The following DENND1A variants were observed in gnomAD, a reference collection of about 807,000 sequenced individuals.
DENND1A encodes the protein DENN domain containing 1A.
In DENND1A, 51 loss-of-function variants were observed where a neutral mutation model predicts 113.7. The ratio of observed to expected loss-of-function variants is 0.45; its 90% CI spans 0.36 to 0.57. The LOEUF (loss-of-function observed/expected upper bound fraction) is 0.57, where lower values mean the gene tolerates loss of function less well. Ranked by LOEUF, DENND1A falls within the 20% of genes least tolerant of loss-of-function variation. The pLI is 0.00. For synonymous variants in DENND1A, 565 were observed against 570.8 expected (o/e 0.99, Z 0.14); for missense variants, 1,258 against 1,395.9 (o/e 0.90, Z 1.57).
intron 12 of DENND1A, among the ~76,000 whole-genome samples, chr9:123,574,188 T>C (rs547158318): frequency 6.7e-6 from 1 of 150,122 alleles, no homozygotes; most frequent in African/African-American, 2.4e-5. Flanking sequence ...TTTTTTTTTT[T>C]TTTGTTTGTA....
At chr9:123,572,617 A>C (rs530056811) in intron 12 of DENND1A, among the ~76,000 whole-genome samples, 1 of 152,276 alleles carries the variant, frequency 6.6e-6, no homozygotes, top group African/African-American at 2.4e-5. Flanking sequence ...GTGTTTCTTC[A>C]AATATTTTAC....
At chr9:123,887,383 C>T (rs1849247818) in intron 1 of DENND1A, among the ~76,000 whole-genome samples, 2 of 152,004 alleles carry the variant, frequency 1.3e-5, no homozygotes, top group African/African-American at 4.8e-5. Flanking sequence ...CACAATCCAA[C>T]TGATGAGGAA....
chr9:123,447,168 G>A (rs186455811), intron 18 of DENND1A, among the ~76,000 whole-genome samples: 149 of 152,340 alleles, frequency 9.8e-4, no homozygotes, highest in Admixed American at 2.5e-3. Context: ...AGAAAGCAAT[G>A]GCTGGGTAGC....
intron 10 of DENND1A, among the ~76,000 whole-genome samples, chr9:123,614,607 A>T (rs1241043864): frequency 6.6e-6 from 1 of 151,852 alleles, no homozygotes; most frequent in Non-Finnish European, 1.5e-5. Flanking sequence ...AAAAAAAAAT[A>T]CAGCTTCCCA....
chr9:123,446,741 TG>T (rs1403018575), intron 18 of DENND1A, among the ~76,000 whole-genome samples: 1 of 152,014 alleles, frequency 6.6e-6, no homozygotes, highest in African/African-American at 2.4e-5. Context: ...CCCTTGAGCC[TG>T]GGAAGTCAAG....
At chr9:123,428,926 G>A (rs1348586707) in intron 19 of DENND1A, among the ~76,000 whole-genome samples, 1 of 152,110 alleles carries the variant, frequency 6.6e-6, no homozygotes. Context: ...TCATGCTCAT[G>A]GATAGAAAGA....
intron 11 of DENND1A, among the ~76,000 whole-genome samples, chr9:123,597,916 C>T (rs2059766960): frequency 6.6e-6 from 1 of 152,194 alleles, no homozygotes; most frequent in East Asian, 1.9e-4. Flanking sequence ...GACAACGTAT[C>T]AGCCTGGCTG....
At chr9:123,491,078 T>C (rs559567299) in intron 13 of DENND1A, among the ~76,000 whole-genome samples, 5 of 152,384 alleles carry the variant, frequency 3.3e-5, no homozygotes, top group African/African-American at 1.2e-4. Context: ...GGAAAAGAAC[T>C]GGATCCTTCT....
intron 1 of DENND1A, among the ~76,000 whole-genome samples, chr9:123,901,869 G>A (rs188413889): frequency 5.1e-4 from 77 of 152,174 alleles, no homozygotes; most frequent in Non-Finnish European, 9.0e-4. Context: ...AGCTGGGCAC[G>A]GTGGTGGGCG....
chr9:123,564,586 C>G lies in DENND1A; in HGVS notation c.868-6891G>C, dbSNP rs536739375. On this transcript the variant is annotated intron_variant, in intron 12 of 23. Coordinates refer to ENST00000394215, the MANE Select transcript of DENND1A (RefSeq NM_001352964.2). The stretch of plus-strand genomic sequence containing the variant: ...GAGTGCTCTCACCCACCATTGCCCC[C>G]CTGCCTAGAATTCTGCATTGTCCAA... Among the ~76,000 whole-genome samples the G allele has an allele frequency of 3.3e-5, 5 of 152,368 alleles. No individual in the cohort carries two copies. In the East Asian group the frequency reaches 9.6e-4, roughly 29 times the overall value.
intron 2 of DENND1A, among the ~76,000 whole-genome samples, chr9:123,833,349 A>G (rs10818877): frequency 0.071 from 10,781 of 152,084 alleles, 574 homozygotes; most frequent in African/African-American, 0.15. Context: ...TCATGTTATA[A>G]AAAAGTTTTT....
At chr9:123,744,938 G>A (rs888752929) in intron 5 of DENND1A, among the ~76,000 whole-genome samples, 1 of 151,980 alleles carries the variant, frequency 6.6e-6, no homozygotes, top group Non-Finnish European at 1.5e-5. Flanking sequence ...ACCATGCCCA[G>A]CTAATTTTTG....
At chr9:123,705,611 A>G (rs1336131321) in intron 5 of DENND1A, among the ~76,000 whole-genome samples, 1 of 152,218 alleles carries the variant, frequency 6.6e-6, no homozygotes, top group Non-Finnish European at 1.5e-5. Flanking sequence ...AATGAAGCAA[A>G]GATATGTAGG....
chr9:123,889,739 G>C (rs1015879108), intron 1 of DENND1A, among the ~76,000 whole-genome samples: 1 of 152,158 alleles, frequency 6.6e-6, no homozygotes. Context: ...TTGGGAGGCC[G>C]AGGCAGGTAG....
At position 123,423,041 on chromosome 9, in the gene DENND1A, G is replaced by A. The variant is rs184762587; in HGVS notation, c.1489-11212C>T. Among the ~76,000 whole-genome samples the A allele has an allele frequency of 4.7e-4, 72 of 152,302 alleles. 1 individual carries two copies. Among genetic ancestry groups the A allele is most frequent in the Admixed American group, 8.5e-4 (13 of 15,302 alleles). ...GCATATATTTTTCATTTAAAATACTGAAATCCAGCATTGTGCCATTACAAC... is the reference window on the plus strand; with the variant it reads ...GCATATATTTTTCATTTAAAATACTAAAATCCAGCATTGTGCCATTACAAC... On this transcript the variant is annotated intron_variant, in intron 19 of 23. Transcript: ENST00000394215.
intron 22 of DENND1A, 144 bp from the exon 23 acceptor site, chr9:123,384,057 G>T (rs1381147565): frequency 2.6e-6 from 3 of 1,147,574 alleles, no homozygotes. Flanking sequence ...CTCCGTGAGG[G>T]CAGGAGTCTG....
At chr9:123,483,053 ACT>A (rs1231690261) in intron 13 of DENND1A, among the ~76,000 whole-genome samples, 1 of 152,206 alleles carries the variant, frequency 6.6e-6, no homozygotes, top group Non-Finnish European at 1.5e-5. Flanking sequence ...CCAAGGAAGC[ACT>A]GTGTCCACTG....
rs1369448599 is a variant in DENND1A at position 123,471,650 on chromosome 9, G to A, written c.994-13753C>T. ...GTGGCTGCACGTTGACTTCTCGTAA[G>A]AACCCTACAAAGACAGGCTCTTGAG... On this transcript the variant is annotated intron_variant, in intron 13 of 23. Coordinates refer to ENST00000394215, the MANE Select transcript of DENND1A (RefSeq NM_001352964.2). Among the ~76,000 whole-genome samples the A allele has an allele frequency of 2.6e-5, 4 of 152,296 alleles. No individual in the cohort carries two copies. The East Asian group carries it at 5.8e-4, about 22-fold the overall frequency.
At chr9:123,505,435 T>C (rs566417791) in intron 13 of DENND1A, among the ~76,000 whole-genome samples, 1 of 152,338 alleles carries the variant, frequency 6.6e-6, no homozygotes, top group South Asian at 2.1e-4. Context: ...TTGAGGCATG[T>C]AGGCAACATA....
Sources: gnomAD v4.1 joint callset for allele counts (sites outside exome capture counted in the v4.1 genomes callset) on GRCh38, gnomAD v4.1.1 for gene constraint, MANE v1.5 for transcripts, NCBI Gene and HGNC (gene_info 2026-07-23, HGNC 2026-07-21) for gene names.